POLR3F: variants seen among roughly 807,000 people sequenced by gnomAD.
POLR3F encodes RNA polymerase III subunit F.
Under a neutral mutation model 43.6 loss-of-function variants are expected in POLR3F, and 31 were observed. That is an observed-to-expected ratio of 0.71 (90% CI 0.53 to 0.96). The LOEUF (loss-of-function observed/expected upper bound fraction) is 0.96, where lower values mean the gene tolerates loss of function less well. POLR3F is among the 40% of genes least tolerant of loss of function. POLR3F has a pLI of 0.00. For synonymous variants in POLR3F, 114 were observed against 132.5 expected, an observed-to-expected ratio of 0.86 and a Z score of 0.96; for missense variants, 316 against 391.7, an observed-to-expected ratio of 0.81 and a Z score of 1.63.
intron 1 of POLR3F, among the ~76,000 whole-genome samples, chr20:18,468,395 G>A (rs1054323357): frequency 5.9e-5 from 9 of 152,178 alleles, no homozygotes; most frequent in African/African-American, 2.2e-4. Flanking sequence ...TTTTACCGAG[G>A]CACTGCCACT....
chr20:18,472,121 T>C (rs2059756153), intron 2 of POLR3F, among the ~76,000 whole-genome samples: 1 of 152,230 alleles, frequency 6.6e-6, no homozygotes, highest in Non-Finnish European at 1.5e-5. Flanking sequence ...CAGACATACT[T>C]TATTTTACTT....
chr20:18,474,529 T>C (rs1266250648), intron 4 of POLR3F, among the ~76,000 whole-genome samples: 1 of 151,626 alleles, frequency 6.6e-6, no homozygotes, highest in African/African-American at 2.4e-5. Context: ...TTTTTTTTTC[T>C]TTTTTTTGAG....
In POLR3F at chr20:18,483,085, G is replaced by A. The variant is rs138031561; in HGVS notation, c.874-396G>A. 5.7e-3 allele frequency among the ~76,000 whole-genome samples: 874 copies of A among 152,022 alleles called. 8 individuals carry two copies. Among genetic ancestry groups the A allele is most frequent in the African/African-American group, 0.02 (822 of 41,444 alleles). On this transcript the variant is annotated intron_variant, in intron 8 of 8. Coordinates refer to ENST00000377603, the MANE Select transcript of POLR3F (RefSeq NM_006466.4). ...TCTTCCCGCTCCCCCCTCGCCCCCCGAGATGGAGTCTTGCTGTCGCCCAGG... is the reference window on the plus strand; with the variant it reads ...TCTTCCCGCTCCCCCCTCGCCCCCCAAGATGGAGTCTTGCTGTCGCCCAGG...
intron 7 of POLR3F, 24 bp from the exon 8 acceptor site, chr20:18,481,595 C>T (rs564680750): frequency 1.3e-6 from 2 of 1,517,246 alleles, no homozygotes; most frequent in Non-Finnish European, 1.8e-6. Flanking sequence ...TACTTGTGTC[C>T]TTTCTGATGT....
chr20:18,483,347 T>C (rs1186454009), intron 8 of POLR3F, 134 bp from the exon 9 acceptor site: 3 of 477,470 alleles, frequency 6.3e-6, no homozygotes, highest in South Asian at 3.5e-5. Context: ...CGTCCGGCTA[T>C]AATATGTTCT....
At chr20:18,480,810 C>T (rs1382838871) in intron 7 of POLR3F, among the ~76,000 whole-genome samples, 2 of 151,834 alleles carry the variant, frequency 1.3e-5, no homozygotes, top group South Asian at 2.1e-4. Context: ...GATCCTCCTG[C>T]GTTGGCCTCC....
chr20:18,481,017 A>G (rs1456078471), intron 7 of POLR3F, among the ~76,000 whole-genome samples: 1 of 152,160 alleles, frequency 6.6e-6, no homozygotes, highest in Non-Finnish European at 1.5e-5. Flanking sequence ...TAAATCTCCA[A>G]TAAATTCCTG....
At chr20:18,478,623 C>T (rs550203113) in intron 5 of POLR3F, among the ~76,000 whole-genome samples, 1 of 152,230 alleles carries the variant, frequency 6.6e-6, no homozygotes, top group South Asian at 2.1e-4. Context: ...ATGGATTAGA[C>T]TTGAAAACAT....
rs552600808 is a variant in POLR3F, at chr20:18,483,696, T to C, written c.*138T>C. The C allele has an allele frequency of 2.3e-5, 10 of 431,200 alleles. No homozygotes were observed. In the South Asian group the frequency reaches 6.1e-4, roughly 27 times the overall value. The allele number at this position is 431,200 out of a possible 1,614,324, so 26.7% of individuals were successfully genotyped here. Reference sequence around the variant, plus strand: ...ACGTAGACTTGCTGCTATGAAAACATATTTTTTTTATTTATGAAGACTAAA... The same window carrying C: ...ACGTAGACTTGCTGCTATGAAAACACATTTTTTTTATTTATGAAGACTAAA... On this transcript the variant is annotated 3_prime_UTR_variant, in exon 9 of 9. Transcript: ENST00000377603.
At position 18,481,728 on chromosome 20, in the gene POLR3F, A is replaced by G; in HGVS notation, c.791A>G (p.Asp264Gly). 1.2e-6 allele frequency: 2 copies of G among 1,613,500 alleles called. No homozygotes were observed. Among genetic ancestry groups the G allele is most frequent in the Non-Finnish European group, 1.7e-6 (2 of 1,179,392 alleles). Reference sequence around the variant, plus strand: ...AAAGAAGGCACAGTTGGCAGTGTAGATGGACACATGAAACTGTACAGGGCA... The same window carrying G: ...AAAGAAGGCACAGTTGGCAGTGTAGGTGGACACATGAAACTGTACAGGGCA... ...AAKEGTVGSV[D>G]GHMKLYRAVN... The change falls in exon 8 of 9, where the codon GAT (aspartate) becomes GGT (glycine). Residue 264 changes from aspartate (D) to glycine (G), a missense_variant. By Grantham distance (94) the Asp-to-Gly change is moderately conservative (BLOSUM62 -1). Coordinates refer to ENST00000377603, the MANE Select transcript of POLR3F (RefSeq NM_006466.4).
intron 5 of POLR3F, among the ~76,000 whole-genome samples, chr20:18,475,914 C>T (rs1406252733): frequency 6.6e-6 from 1 of 152,150 alleles, no homozygotes; most frequent in Non-Finnish European, 1.5e-5. Context: ...GAATTTGATG[C>T]TTATTAGTGA....
intron 4 of POLR3F, among the ~76,000 whole-genome samples, chr20:18,474,334 A>ATGTAAT (rs1568578835): frequency 2.6e-5 from 4 of 152,154 alleles, no homozygotes; most frequent in Admixed American, 6.5e-5. Flanking sequence ...GCATGCAGAC[A>ATGTAAT]CTCATCTAAA....
rs901738975 is a variant in POLR3F at position 18,472,548 on chromosome 20, CTTT to C, written c.181-291_181-289del. 1.0e-3 allele frequency among the ~76,000 whole-genome samples: 159 copies of C among 151,672 alleles called. 1 individual carries two copies. Among genetic ancestry groups the C allele is most frequent in the Non-Finnish European group, 8.2e-4 (56 of 67,888 alleles). ...TATGCCTATTTAGTCTTTATTTCAA[CTTT>C]TTATTTATATAAATTATATTTTTAT... On this transcript the variant is annotated intron_variant, in intron 2 of 8. Coordinates refer to ENST00000377603, the MANE Select transcript of POLR3F (RefSeq NM_006466.4).
chr20:18,477,081 GAAAAA>G (rs200618300), intron 5 of POLR3F, among the ~76,000 whole-genome samples: 6 of 91,162 alleles, frequency 6.6e-5, no homozygotes, highest in African/African-American at 1.5e-4. Context: ...CTCAAAAAAA[GAAAAA>G]AAAAAAAAAA....
chr20:18,482,989 T>C (rs1311257303), intron 8 of POLR3F, among the ~76,000 whole-genome samples: 1 of 152,142 alleles, frequency 6.6e-6, no homozygotes, highest in Non-Finnish European at 1.5e-5. Flanking sequence ...GTCATCTTAA[T>C]GCCACAGTAA....
intron 2 of POLR3F, among the ~76,000 whole-genome samples, chr20:18,471,399 C>T (rs554470656): frequency 6.6e-6 from 1 of 152,328 alleles, no homozygotes; most frequent in African/African-American, 2.4e-5. Flanking sequence ...AGTACCCAAT[C>T]TGGGAGTTCA....
At chr20:18,478,562 G>A (rs192089871) in intron 5 of POLR3F, among the ~76,000 whole-genome samples, 12 of 152,160 alleles carry the variant, frequency 7.9e-5, no homozygotes, top group Admixed American at 4.6e-4. Context: ...CCTCAGTGTT[G>A]GGGTGAGTAG....
chr20:18,467,454 C>T lies in POLR3F; in HGVS notation c.-53C>T. 2 of 1,602,630 alleles carry T rather than the reference C, an allele frequency of 1.2e-6. No individual in the cohort carries two copies. Among genetic ancestry groups the T allele is most frequent in the Non-Finnish European group, 1.7e-6 (2 of 1,169,606 alleles). Reference sequence around the variant, plus strand: ...CTGGTTCCCCGGGTTCCCCGGCTTGCTACCGGGCTGCTCCGTGCATCTTTC... The same window carrying T: ...CTGGTTCCCCGGGTTCCCCGGCTTGTTACCGGGCTGCTCCGTGCATCTTTC... On this transcript the variant is annotated 5_prime_UTR_variant, in exon 1 of 9. Coordinates refer to ENST00000377603, the MANE Select transcript of POLR3F (RefSeq NM_006466.4).
intron 5 of POLR3F, among the ~76,000 whole-genome samples, chr20:18,478,802 G>T (rs2059793871): frequency 6.6e-6 from 1 of 152,154 alleles, no homozygotes. Flanking sequence ...AACACATCTA[G>T]TGCCCAAGTC....
Sources: allele counts gnomAD v4.1 joint callset (sites outside exome capture counted in the v4.1 genomes callset), GRCh38; gene constraint gnomAD v4.1.1; transcripts MANE v1.5; gene names NCBI Gene and HGNC (gene_info 2026-07-23, HGNC 2026-07-21).